The following GRM3 variants were observed in gnomAD, a reference collection of about 807,000 sequenced individuals.
GRM3 encodes glutamate metabotropic receptor 3.
A neutral mutation model predicts 70.5 loss-of-function variants in GRM3; 26 were observed. The ratio of observed to expected loss-of-function variants is 0.37; its 90% CI spans 0.27 to 0.51. The LOEUF is 0.51. Ranked by LOEUF, GRM3 falls within the 20% of genes least tolerant of loss-of-function variation. GRM3 has a pLI of 0.93. For synonymous variants in GRM3, 443 were observed against 434.9 expected (o/e 1.02, Z -0.23); for missense variants, 859 against 1,123.8 (o/e 0.76, Z 3.37).
chr7:86,666,446 A>G (rs1397913305), intron 1 of GRM3, among the ~76,000 whole-genome samples: 5 of 152,172 alleles, frequency 3.3e-5, no homozygotes, highest in African/African-American at 1.2e-4. Context: ...GGAATCATGA[A>G]TATGTTTATG....
intron 1 of GRM3, among the ~76,000 whole-genome samples, chr7:86,658,110 GC>G (rs879736877): frequency 2.0e-5 from 3 of 152,176 alleles, no homozygotes; most frequent in Non-Finnish European, 4.4e-5. Flanking sequence ...GGGAGGTTAA[GC>G]CAACATAGTC....
In GRM3 at chr7:86,839,452, C is replaced by G. The variant is rs756859444; in HGVS notation, c.1938C>G (p.Leu646=). ...CAGTCATCTGTGCATTGCGCCGACT[C>G]GGGCTGGGGAGTTCCTTCGCTATCT... ...PSPVICALRR[L]GLGSSFAICY... is the part of the protein sequence containing the mutation. Residue 646 remains leucine, a synonymous_variant, in exon 4 of 6, where the codon CTC becomes CTG. Coordinates refer to ENST00000361669, the MANE Select transcript of GRM3 (RefSeq NM_000840.3). The surrounding 1 kb of genome is among the most constrained non-coding windows in gnomAD (Gnocchi z 4.5). 3 of 1,613,142 alleles carry G rather than the reference C, an allele frequency of 1.9e-6. No individual in the cohort carries two copies. Among genetic ancestry groups the G allele is most frequent in the Non-Finnish European group, 2.5e-6 (3 of 1,179,366 alleles).
intron 4 of GRM3, among the ~76,000 whole-genome samples, chr7:86,846,311 C>T (rs1798654058): frequency 6.6e-6 from 1 of 152,154 alleles, no homozygotes; most frequent in South Asian, 2.1e-4. Context: ...GGGGATTAAT[C>T]CTTCAAGGGC....
intron 3 of GRM3, among the ~76,000 whole-genome samples, chr7:86,804,025 G>C (rs998410536): frequency 6.6e-6 from 1 of 152,118 alleles, no homozygotes; most frequent in East Asian, 1.9e-4. Flanking sequence ...GAATGAGGTG[G>C]AGTGACTCAA....
chr7:86,798,012 A>C (rs1797593715), intron 3 of GRM3, among the ~76,000 whole-genome samples: 2 of 152,192 alleles, frequency 1.3e-5, no homozygotes, highest in African/African-American at 4.8e-5. Context: ...GAAGACAATA[A>C]TTGAGGTTTG....
At chr7:86,859,786 A>G (rs1225194103) in intron 5 of GRM3, among the ~76,000 whole-genome samples, 1 of 152,196 alleles carries the variant, frequency 6.6e-6, no homozygotes, top group Non-Finnish European at 1.5e-5. Flanking sequence ...TGAGGGTCCA[A>G]TTATCTGAAA....
chr7:86,724,749 G>A (rs188733626), intron 1 of GRM3, among the ~76,000 whole-genome samples: 1 of 151,228 alleles, frequency 6.6e-6, no homozygotes, highest in Admixed American at 6.6e-5. Flanking sequence ...TCACACTCTT[G>A]AGTGGGGAGG....
chr7:86,784,458 A>G (rs1312465001), intron 2 of GRM3: 1 of 152,216 alleles, frequency 6.6e-6, no homozygotes, highest in African/African-American at 2.4e-5. Flanking sequence ...CTCTTAACAA[A>G]GTCAAGCTAT....
intron 5 of GRM3, among the ~76,000 whole-genome samples, chr7:86,858,611 C>A (rs1175037555): frequency 6.6e-6 from 1 of 152,148 alleles, no homozygotes; most frequent in Non-Finnish European, 1.5e-5. Flanking sequence ...GAACCATGAG[C>A]TAAATAAATG....
chr7:86,762,755 G>C (rs1010044473), intron 1 of GRM3, among the ~76,000 whole-genome samples: 1 of 152,094 alleles, frequency 6.6e-6, no homozygotes, highest in Non-Finnish European at 1.5e-5. Context: ...TCTTAAATTG[G>C]TAAGTGGCTA....
chr7:86,656,907 A>G (rs908860578), intron 1 of GRM3, among the ~76,000 whole-genome samples: 3 of 152,182 alleles, frequency 2.0e-5, no homozygotes, highest in African/African-American at 7.2e-5. Context: ...TTAGCTCCCA[A>G]CGAATAAAGA....
At chr7:86,780,236 C>T (rs1797011278) in intron 2 of GRM3, among the ~76,000 whole-genome samples, 1 of 152,076 alleles carries the variant, frequency 6.6e-6, no homozygotes. Flanking sequence ...TGGGTATATA[C>T]CAGTAATGGG....
chr7:86,814,543 C>A (rs112200238), intron 3 of GRM3, among the ~76,000 whole-genome samples: 1 of 151,774 alleles, frequency 6.6e-6, no homozygotes, highest in Non-Finnish European at 1.5e-5. Flanking sequence ...AAGAAATACA[C>A]TCTCTTGAAG....
chr7:86,776,611 G>A (rs1032575433), intron 2 of GRM3, among the ~76,000 whole-genome samples: 1 of 152,096 alleles, frequency 6.6e-6, no homozygotes, highest in Non-Finnish European at 1.5e-5. Context: ...AACTGACAAA[G>A]ATTGGCATGC....
intron 2 of GRM3, among the ~76,000 whole-genome samples, chr7:86,774,441 C>A (rs1411482250): frequency 6.6e-6 from 1 of 152,084 alleles, no homozygotes; most frequent in African/African-American, 2.4e-5. Context: ...TGTAGTGTGA[C>A]TATTTTTGAC....
At chr7:86,825,861 C>T (rs1174939128) in intron 3 of GRM3, among the ~76,000 whole-genome samples, 5 of 152,198 alleles carry the variant, frequency 3.3e-5, no homozygotes, top group African/African-American at 1.2e-4. Flanking sequence ...GCACGGTTGG[C>T]TTCTGAGAGC....
chr7:86,757,149 T>A (rs1192257897), intron 1 of GRM3, among the ~76,000 whole-genome samples: 1 of 152,188 alleles, frequency 6.6e-6, no homozygotes, highest in Non-Finnish European at 1.5e-5. Flanking sequence ...ATGTGCACCA[T>A]TTCAGGTCTT....
chr7:86,667,295 G>A (rs555521616), intron 1 of GRM3, among the ~76,000 whole-genome samples: 1 of 152,230 alleles, frequency 6.6e-6, no homozygotes, highest in South Asian at 2.1e-4. Flanking sequence ...CCCTAAAGCA[G>A]AGAGAAGGGA....
chr7:86,811,598 C>T (rs1022511344), intron 3 of GRM3, among the ~76,000 whole-genome samples: 4 of 151,776 alleles, frequency 2.6e-5, no homozygotes, highest in Admixed American at 6.6e-5. Context: ...ATCCATCTGA[C>T]CCCATACGCT....
Sources: allele counts gnomAD v4.1 joint callset (sites outside exome capture counted in the v4.1 genomes callset), GRCh38; gene constraint gnomAD v4.1.1; non-coding constraint Gnocchi (gnomAD v3.1); transcripts MANE v1.5; gene names NCBI Gene and HGNC (gene_info 2026-07-23, HGNC 2026-07-21).